UBAC2: variants seen among roughly 807,000 people sequenced by gnomAD.
The protein encoded by UBAC2 is UBA domain containing 2, also known as ubiquitin-associated domain-containing protein 2.
Under a neutral mutation model 44.0 loss-of-function variants are expected in UBAC2, and 26 were observed. That is an observed-to-expected ratio of 0.59 (90% confidence interval 0.43 to 0.82). The LOEUF (loss-of-function observed/expected upper bound fraction) is 0.82. UBAC2 is among the 40% of genes least tolerant of loss of function. UBAC2 has a pLI of 0.00. For synonymous variants in UBAC2, 155 were observed against 154.3 expected (o/e 1.00, Z -0.04); for missense variants, 329 against 419.4 (o/e 0.78, Z 1.88).
At chr13:99,345,679 A>G (rs1162296294) in intron 7 of UBAC2, among the ~76,000 whole-genome samples, 2 of 151,436 alleles carry the variant, frequency 1.3e-5, no homozygotes, top group African/African-American at 2.4e-5. Flanking sequence ...CCTACTGCCT[A>G]TAGTACATCT....
At chr13:99,375,261 T>C (rs868632081) in intron 8 of UBAC2, among the ~76,000 whole-genome samples, 11 of 148,600 alleles carry the variant, frequency 7.4e-5, no homozygotes, top group African/African-American at 2.5e-4. Context: ...GAAACCTGAG[T>C]TCAACCAAGA....
intron 1 of UBAC2, among the ~76,000 whole-genome samples, chr13:99,201,804 G>A (rs1338501067): frequency 1.3e-5 from 2 of 152,136 alleles, no homozygotes; most frequent in East Asian, 1.9e-4. Context: ...GGGCGCGGTG[G>A]CTCACGCCTG....
intron 8 of UBAC2, among the ~76,000 whole-genome samples, chr13:99,373,168 ATTGTT>A (rs2045431307): frequency 1.2e-5 from 1 of 83,290 alleles, no homozygotes; most frequent in Non-Finnish European, 2.8e-5. Context: ...TCTCTTTTTT[ATTGTT>A]TTTTTTTTTT....
chr13:99,310,194 G>A (rs1181709601), intron 4 of UBAC2, among the ~76,000 whole-genome samples: 1 of 152,178 alleles, frequency 6.6e-6, no homozygotes, highest in Non-Finnish European at 1.5e-5. Context: ...AGGTGTGGTG[G>A]CACACACCAG....
At chr13:99,204,901 C>CTT (rs569772649) in intron 1 of UBAC2, among the ~76,000 whole-genome samples, 17 of 75,942 alleles carry the variant, frequency 2.2e-4, no homozygotes, top group East Asian at 3.5e-4. Flanking sequence ...GTTTCGTTTC[C>CTT]TTTTTTTTTT....
At chr13:99,379,865 A>G (rs2045528019) in intron 8 of UBAC2, among the ~76,000 whole-genome samples, 1 of 152,228 alleles carries the variant, frequency 6.6e-6, no homozygotes, top group South Asian at 2.1e-4. Context: ...GGGTATCTGC[A>G]CACCTTTTAG....
In UBAC2 at chr13:99,238,330, C is replaced by G. The variant is rs535785467; in HGVS notation, c.32-97C>G. 90 of 1,458,792 alleles carry G rather than the reference C, an allele frequency of 6.2e-5. No homozygotes were observed. In the African/African-American group the frequency reaches 1.0e-3, roughly 16 times the overall value. The allele number at this position is 1,458,792 out of a possible 1,614,324, so 90.4% of individuals were successfully genotyped here. A position where few individuals can be genotyped will look rare whatever the true frequency, so the allele number is the denominator to read the frequency against. On this transcript the variant is annotated intron_variant, in intron 1 of 8. Coordinates refer to ENST00000403766, the MANE Select transcript of UBAC2 (RefSeq NM_001144072.2). ...AGAGTTTCTGGACTTTGTCTTCATT[C>G]TGATTTAAAAGAAGTGAATTCTCTT...
intron 1 of UBAC2, among the ~76,000 whole-genome samples, chr13:99,202,734 C>A (rs78574209): frequency 0.012 from 1,751 of 152,256 alleles, 41 homozygotes; most frequent in African/African-American, 0.04. Context: ...TGGCCTGTTT[C>A]TAAAATTAAG....
chr13:99,275,436 C>T (rs2043869593), intron 4 of UBAC2, among the ~76,000 whole-genome samples: 1 of 152,092 alleles, frequency 6.6e-6, no homozygotes, highest in Non-Finnish European at 1.5e-5. Flanking sequence ...GTTCACATTT[C>T]CTTGATGACA....
At position 99,340,365 on chromosome 13, in the gene UBAC2, G is replaced by T; in HGVS notation, c.607G>T (p.Val203Leu). ...CAGCAAAATGTTCCAGGTGCATCAG[G>T]TGCTCTGCATCCCCAGCTGGATGGC... ...YDSKMFQVHQ[V>L]LCIPSWMAKF... The change falls in exon 7 of 9, where the codon GTG (valine) becomes TTG (leucine). Residue 203 changes from valine (V) to leucine (L), a missense_variant. Transcript: ENST00000403766. 6.2e-7 allele frequency: 1 copy of T among 1,614,194 alleles called. No individual in the cohort carries two copies. The highest frequency in any genetic ancestry group is 8.5e-7 in the Non-Finnish European group (1 of 1,180,036).
intron 1 of UBAC2, among the ~76,000 whole-genome samples, chr13:99,237,544 A>G (rs2043252365): frequency 6.6e-6 from 1 of 152,206 alleles, no homozygotes; most frequent in African/African-American, 2.4e-5. Flanking sequence ...TACACTTAGA[A>G]GAAATAAGAC....
chr13:99,286,716 AT>A (rs2044023169), intron 4 of UBAC2, among the ~76,000 whole-genome samples: 1 of 152,126 alleles, frequency 6.6e-6, no homozygotes, highest in Non-Finnish European at 1.5e-5. Context: ...GTCCATGTGT[AT>A]TCAATGTTTA....
At chr13:99,259,675 T>G (rs2043628212) in intron 4 of UBAC2, among the ~76,000 whole-genome samples, 1 of 152,224 alleles carries the variant, frequency 6.6e-6, no homozygotes, top group Non-Finnish European at 1.5e-5. Context: ...GATGTTATAT[T>G]TCATTCATCA....
At chr13:99,213,682 A>G (rs2042959875) in intron 1 of UBAC2, among the ~76,000 whole-genome samples, 1 of 152,100 alleles carries the variant, frequency 6.6e-6, no homozygotes, top group African/African-American at 2.4e-5. Context: ...TTATCGTACT[A>G]AAATAAGTTT....
intron 6 of UBAC2, among the ~76,000 whole-genome samples, chr13:99,336,620 C>T (rs553234379): frequency 2.0e-5 from 3 of 152,200 alleles, no homozygotes; most frequent in African/African-American, 7.2e-5. Context: ...GATCCTATTT[C>T]TAGGCTCTTG....
At chr13:99,303,564 G>A (rs1192219688) in intron 4 of UBAC2, among the ~76,000 whole-genome samples, 5 of 152,210 alleles carry the variant, frequency 3.3e-5, no homozygotes, top group Non-Finnish European at 7.3e-5. Context: ...TCATTTTAGT[G>A]TAAGAAAGAT....
chr13:99,351,397 T>C (rs1022636706), intron 7 of UBAC2: 36 of 366,296 alleles, frequency 9.8e-5, no homozygotes, highest in African/African-American at 7.5e-4. Flanking sequence ...ACATTTTAAA[T>C]GGTTATATAG....
intron 4 of UBAC2, among the ~76,000 whole-genome samples, chr13:99,248,468 T>G (rs1160651941): frequency 1.3e-5 from 2 of 151,514 alleles, no homozygotes; most frequent in Admixed American, 6.6e-5. Flanking sequence ...TTCTGCTCAC[T>G]GCAACCTCTG....
intron 6 of UBAC2, among the ~76,000 whole-genome samples, chr13:99,332,152 G>T (rs1432476375): frequency 2.0e-5 from 3 of 152,118 alleles, no homozygotes; most frequent in Non-Finnish European, 2.9e-5. Flanking sequence ...AGCTTGCCTT[G>T]TGGGTTTTTG....
Sources: allele counts gnomAD v4.1 joint callset (sites outside exome capture counted in the v4.1 genomes callset), GRCh38; gene constraint gnomAD v4.1.1; transcripts MANE v1.5; gene names NCBI Gene and HGNC (gene_info 2026-07-23, HGNC 2026-07-21).